LAMB4: variants seen among roughly 807,000 people sequenced by gnomAD.
The protein encoded by LAMB4 is laminin subunit beta 4.
Under a neutral mutation model 199.2 loss-of-function variants are expected in LAMB4, and 196 were observed. The observed-to-expected ratio is 0.98, with a 90% CI of 0.88 to 1.11. LAMB4 has a LOEUF of 1.11. LAMB4 is among the 50% of genes least tolerant of loss of function. The pLI is 0.00. For missense variants in LAMB4, 2,080 were observed against 2,171.2 expected, an observed-to-expected ratio of 0.96 and a Z score of 0.83; for synonymous variants, 744 against 770.6, an observed-to-expected ratio of 0.97 and a Z score of 0.57.
chr7:108,051,658 A>C (rs1381510510), intron 26 of LAMB4, among the ~76,000 whole-genome samples: 3 of 152,166 alleles, frequency 2.0e-5, no homozygotes, highest in African/African-American at 7.2e-5. Flanking sequence ...ATTCTTACAA[A>C]GCTCTTATGA....
intron 1 of LAMB4, among the ~76,000 whole-genome samples, chr7:108,128,760 A>G (rs977639337): frequency 6.6e-6 from 1 of 152,182 alleles, no homozygotes; most frequent in African/African-American, 2.4e-5. Context: ...TTTAATTGGT[A>G]CTGCTTTTCG....
chr7:108,064,292 C>G (rs1320838169), intron 21 of LAMB4, among the ~76,000 whole-genome samples: 1 of 152,190 alleles, frequency 6.6e-6, no homozygotes, highest in East Asian at 1.9e-4. Context: ...CAGCATCACA[C>G]TAGCGTGCCC....
Position 108,044,727 on chromosome 7 carries a change from C to G in LAMB4, c.4327-831G>C, listed in dbSNP as rs1357026413. On this transcript the variant is annotated intron_variant, in intron 28 of 33. Coordinates refer to ENST00000388781, the MANE Select transcript of LAMB4 (RefSeq NM_007356.3). ...CAGCACTTTGGGAGGCCAAGGCAGACAGATCACTTGAGGTTAGGAGTTCAA... is the reference window on the plus strand; with the variant it reads ...CAGCACTTTGGGAGGCCAAGGCAGAGAGATCACTTGAGGTTAGGAGTTCAA... Among the ~76,000 whole-genome samples the G allele has an allele frequency of 3.9e-5, 6 of 152,164 alleles. No individual in the cohort carries two copies. In the East Asian group the frequency reaches 1.2e-3, roughly 29 times the overall value.
Position 108,069,699 on chromosome 7 carries a change from G to T in LAMB4, c.2302+9C>A. 2 of 1,611,810 alleles carry T rather than the reference G, an allele frequency of 1.2e-6. No individual in the cohort carries two copies. Among genetic ancestry groups the T allele is most frequent in the Non-Finnish European group, 1.7e-6 (2 of 1,178,484 alleles). ...GTGCCTCAGTAGAGCCCATTAAACA[G>T]ATACTTACCCACAGCCCCATCATGC... is the stretch of plus-strand genomic sequence containing the variant. On this transcript the variant is annotated intron_variant, in intron 18 of 33. Transcript: ENST00000388781.
chr7:108,068,306 T>G, intron 18 of LAMB4, 147 bp from the exon 19 acceptor site: 1 of 793,758 alleles, frequency 1.3e-6, no homozygotes, highest in Non-Finnish European at 2.0e-6. Flanking sequence ...TAATATAGAA[T>G]CTGCCTTGTG....
rs988444284 is a variant in LAMB4, at chr7:108,032,192, C to T, written c.4819-1213G>A. ...ATCACCTGAGGTCAGGAGTTCAAGA[C>T]CAGTCTGGCCAACATGGCGAAACCT... On this transcript the variant is annotated intron_variant, in intron 31 of 33. Transcript: ENST00000388781. Among the ~76,000 whole-genome samples, 5 of 152,102 alleles carry T rather than the reference C, an allele frequency of 3.3e-5. 1 individual carries two copies. The highest frequency in any genetic ancestry group is 1.2e-4 in the African/African-American group (5 of 41,418).
the LAMB4 span, among the ~76,000 whole-genome samples, chr7:108,014,116 C>CA: frequency 0.17 from 25,182 of 152,028 alleles, 2,454 homozygotes; most frequent in East Asian, 0.29. Context: ...ATACAATATT[C>CA]CAAAATTATA....
chr7:108,028,084 G>A (rs1326091772), intron 33 of LAMB4, among the ~76,000 whole-genome samples: 3 of 151,750 alleles, frequency 2.0e-5, no homozygotes, highest in Non-Finnish European at 2.9e-5. Context: ...GCGCCTGGCC[G>A]GTATTCCATG....
chr7:108,070,497 C>G (rs1242172014), intron 17 of LAMB4, among the ~76,000 whole-genome samples: 2 of 152,164 alleles, frequency 1.3e-5, no homozygotes, highest in Non-Finnish European at 2.9e-5. Flanking sequence ...AAGGCCAAGC[C>G]CTCCTCTTCC....
At chr7:108,077,196 G>T in intron 16 of LAMB4, 132 bp from the exon 17 acceptor site, 1 of 828,130 alleles carries the variant, frequency 1.2e-6, no homozygotes, top group Non-Finnish European at 1.9e-6. Context: ...GGCCAGTGTA[G>T]GTCTAGACCA....
rs368690577 is a variant in LAMB4 at position 108,028,574 on chromosome 7, T to C, written c.5146+469A>G. ...TCACTGCAACCTCTGCCTCCCAGGT[T>C]CAGGCAATTCTCCTGCCTCAGCCTC... On this transcript the variant is annotated intron_variant, in intron 33 of 33. Coordinates refer to ENST00000388781, the MANE Select transcript of LAMB4 (RefSeq NM_007356.3). Among the ~76,000 whole-genome samples the C allele has an allele frequency of 6.6e-5, 10 of 151,296 alleles. No homozygotes were observed. In the East Asian group the frequency reaches 9.7e-4, roughly 15 times the overall value.
intron 3 of LAMB4, among the ~76,000 whole-genome samples, chr7:108,114,917 G>A (rs73426890): frequency 7.9e-5 from 12 of 152,134 alleles, no homozygotes; most frequent in South Asian, 2.1e-4. Flanking sequence ...AAGGGGAAAA[G>A]GCACAAAACT....
At position 108,111,882 on chromosome 7, in the gene LAMB4, C is replaced by A. The variant is rs746413105; in HGVS notation, c.257G>T (p.Ser86Ile). 1 of 1,612,180 alleles carries A rather than the reference C, an allele frequency of 6.2e-7. No homozygotes were observed. The highest frequency in any genetic ancestry group is 1.1e-5 in the South Asian group (1 of 90,660). Residue 86 changes from serine to isoleucine, a missense_variant, in exon 4 of 34, where the codon AGC (serine) becomes ATC (isoleucine). Ser to Ile is a moderately radical substitution (Grantham distance 142). Coordinates refer to ENST00000388781, the MANE Select transcript of LAMB4 (RefSeq NM_007356.3). ...TACAATGACATTCTCAATGGTGTGGCTGTTGGGTTGGTCATACGGATCATA... is the reference window on the plus strand; with the variant it reads ...TACAATGACATTCTCAATGGTGTGGATGTTGGGTTGGTCATACGGATCATA... ...FPYDPYDQPN[S>I]HTIENVIVSF...
intron 23 of LAMB4, among the ~76,000 whole-genome samples, chr7:108,061,902 G>A (rs1261557687): frequency 6.6e-6 from 1 of 152,128 alleles, no homozygotes; most frequent in Non-Finnish European, 1.5e-5. Context: ...TGAAATTGGA[G>A]GTGAGCCATG....
Position 108,029,249 on chromosome 7 carries a change from A to T in LAMB4, c.4993-53T>A. On this transcript the variant is annotated intron_variant, in intron 32 of 33. Transcript: ENST00000388781. Reference sequence around the variant, plus strand: ...GAAAATATGTATAAAGCATGTACATATATGCATGATGATTCTCCTAATTCC... The same window carrying T: ...GAAAATATGTATAAAGCATGTACATTTATGCATGATGATTCTCCTAATTCC... 20 of 1,487,828 alleles carry T rather than the reference A, an allele frequency of 1.3e-5. No homozygotes were observed. In the South Asian group the frequency reaches 2.5e-4, roughly 19 times the overall value. 92.2% of individuals were successfully genotyped at this position (1,487,828 alleles called of 1,614,324 possible).
intron 31 of LAMB4, among the ~76,000 whole-genome samples, chr7:108,031,964 C>G (rs1039918659): frequency 6.6e-6 from 1 of 152,102 alleles, no homozygotes; most frequent in Non-Finnish European, 1.5e-5. Flanking sequence ...GTTGGTCATA[C>G]TTTCATACAT....
In LAMB4 at chr7:108,029,045, G is replaced by A. The variant is rs1225586997; in HGVS notation, c.5144C>T (p.Thr1715Ile). 6.2e-7 allele frequency: 1 copy of A among 1,612,798 alleles called. No individual in the cohort carries two copies. Among genetic ancestry groups the A allele is most frequent in the Non-Finnish European group, 8.5e-7 (1 of 1,179,530 alleles). Residue 1715 changes from threonine (T) to isoleucine (I), a missense_variant and splice_region_variant, in exon 33 of 34, where the codon ACA becomes ATA. Physicochemically the swap from Thr to Ile is moderately conservative, Grantham distance 89. Coordinates refer to ENST00000388781, the MANE Select transcript of LAMB4 (RefSeq NM_007356.3). ...AGGATGGATAAAAGAACAGATACCT[G>A]TTATTCTTCTTATCTTGGCCTCTGT... Reference protein sequence around the residue: ...GDTEAKIRRITDLERKIQDLN... With the variant: ...GDTEAKIRRIIDLERKIQDLN...
chr7:108,060,564 C>T, intron 23 of LAMB4, among the ~76,000 whole-genome samples: 1 of 152,120 alleles, frequency 6.6e-6, no homozygotes, highest in East Asian at 1.9e-4. Flanking sequence ...ATAAGATGAG[C>T]CTGAAATATT....
At chr7:108,092,844 G>C (rs382131) in intron 12 of LAMB4, among the ~76,000 whole-genome samples, 60,364 of 151,858 alleles carry the variant, frequency 0.4, 12,332 homozygotes, top group East Asian at 0.58. Flanking sequence ...GTGGAGGCCA[G>C]AGTGAGCTGA....
Sources: allele counts gnomAD v4.1 joint callset (sites outside exome capture counted in the v4.1 genomes callset), GRCh38; gene constraint gnomAD v4.1.1; transcripts MANE v1.5; gene names NCBI Gene and HGNC (gene_info 2026-07-23, HGNC 2026-07-21).